Variants in INVS observed in about 807,000 individuals in gnomAD.
The protein encoded by INVS is inversion of embryo turning homolog.
INVS carries 86 observed loss-of-function variants against 108.8 expected under a neutral mutation model. That is an observed-to-expected ratio of 0.79 (90% CI 0.66 to 0.95). INVS has a LOEUF of 0.95. Among genes scored for constraint, INVS ranks in the 40% least tolerant of loss-of-function variants. The pLI is 0.00. For synonymous variants in INVS, 455 were observed against 473.5 expected, an observed-to-expected ratio of 0.96 and a Z score of 0.51; for missense variants, 1,169 against 1,297.4, an observed-to-expected ratio of 0.90 and a Z score of 1.52.
At chr9:100,152,238 A>G (rs1828830356) in intron 3 of INVS, among the ~76,000 whole-genome samples, 1 of 152,094 alleles carries the variant, frequency 6.6e-6, no homozygotes, top group African/African-American at 2.4e-5. Flanking sequence ...TATTTCCAAT[A>G]TCTAGTAGTA....
At chr9:100,103,520 G>C (rs1006019211) in intron 1 of INVS, among the ~76,000 whole-genome samples, 21 of 151,864 alleles carry the variant, frequency 1.4e-4, no homozygotes, top group African/African-American at 5.1e-4. Context: ...CCCAGCTACT[G>C]AGGAGGCTGA....
chr9:100,293,172 C>T (rs1168842397), intron 14 of INVS, 129 bp downstream of exon 14: 4 of 792,404 alleles, frequency 5.0e-6, no homozygotes, highest in South Asian at 1.5e-5. Flanking sequence ...TTTATAGAGC[C>T]TACCCATGAA....
At chr9:100,239,747 G>A (rs1002280834) in intron 5 of INVS, among the ~76,000 whole-genome samples, 1 of 152,114 alleles carries the variant, frequency 6.6e-6, no homozygotes, top group African/African-American at 2.4e-5. Context: ...TGAGGTAGGA[G>A]AATTGCTTGA....
At chr9:100,235,126 CTTT>C (rs1034663858) in intron 5 of INVS, among the ~76,000 whole-genome samples, 1 of 151,532 alleles carries the variant, frequency 6.6e-6, no homozygotes, top group Non-Finnish European at 1.5e-5. Context: ...GAATTCCCTT[CTTT>C]GTCTTTTTTG....
At chr9:100,287,290 C>G (rs1025284252) in intron 13 of INVS, among the ~76,000 whole-genome samples, 1 of 152,152 alleles carries the variant, frequency 6.6e-6, no homozygotes, top group African/African-American at 2.4e-5. Context: ...ATAAAAGCCA[C>G]AAGACCTCTT....
At position 100,253,214 on chromosome 9, in the gene INVS, A is replaced by G. The variant is rs1832297496; in HGVS notation, c.1464+78A>G. 3 of 1,088,164 alleles carry G rather than the reference A, an allele frequency of 2.8e-6. No individual in the cohort carries two copies. In the South Asian group the frequency reaches 3.9e-5, roughly 14 times the overall value. The allele number at this position is 1,088,164 out of a possible 1,614,324, so 67.4% of individuals were successfully genotyped here. A position where few individuals can be genotyped will look rare whatever the true frequency, so the allele number is the denominator to read the frequency against. ...CTTCTTTGTTGTAAACATAAGTAAA[A>G]CAACAGTTTACAAGATGAAGAGATC... On this transcript the variant is annotated intron_variant, in intron 10 of 16. Transcript: ENST00000262457.
intron 3 of INVS, among the ~76,000 whole-genome samples, chr9:100,159,849 G>A (rs553335116): frequency 6.6e-6 from 1 of 151,972 alleles, no homozygotes; most frequent in Non-Finnish European, 1.5e-5. Flanking sequence ...CTAATGAATC[G>A]ACTCTGATGA....
intron 3 of INVS, among the ~76,000 whole-genome samples, chr9:100,207,770 AC>A (rs1274462213): frequency 1.3e-5 from 2 of 152,130 alleles, no homozygotes; most frequent in Non-Finnish European, 2.9e-5. Context: ...ATTGTTGGTA[AC>A]CTTTTTTCTT....
At chr9:100,236,750 A>C (rs2806685) in intron 5 of INVS, among the ~76,000 whole-genome samples, 82,065 of 151,944 alleles carry the variant, frequency 0.54, 23,689 homozygotes, top group African/African-American at 0.7. Flanking sequence ...CAGATGGGCA[A>C]CTGCTAGATT....
chr9:100,256,470 G>T (rs892926102), intron 10 of INVS, among the ~76,000 whole-genome samples: 4 of 152,056 alleles, frequency 2.6e-5, no homozygotes, highest in South Asian at 2.1e-4. Flanking sequence ...TTTGAATGTG[G>T]TTGCTCTTGC....
chr9:100,285,958 G>T (rs1833428004), intron 13 of INVS, among the ~76,000 whole-genome samples: 1 of 152,140 alleles, frequency 6.6e-6, no homozygotes, highest in South Asian at 2.1e-4. Flanking sequence ...CAGTGAAAAA[G>T]GCAAATAATG....
At position 100,252,893 on chromosome 9, in the gene INVS, T is replaced by C. The variant is rs748928155; in HGVS notation, c.1235-14T>C. The stretch of plus-strand genomic sequence containing the variant: ...TTTATATTAGACATTCTCATTATAT[T>C]TGTGCTTTTCCAGGTGGAGCAAGGG... On this transcript the variant is annotated splice_polypyrimidine_tract_variant and intron_variant, in intron 9 of 16. Transcript: ENST00000262457. 2 of 1,575,184 alleles carry C rather than the reference T, an allele frequency of 1.3e-6. No homozygotes were observed. Among genetic ancestry groups the C allele is most frequent in the Non-Finnish European group, 1.7e-6 (2 of 1,145,206 alleles).
intron 3 of INVS, among the ~76,000 whole-genome samples, chr9:100,146,241 C>A (rs958388245): frequency 6.6e-6 from 1 of 151,300 alleles, no homozygotes. Flanking sequence ...GGGGTGGGGC[C>A]GTTTTGTAAG....
intron 4 of INVS, among the ~76,000 whole-genome samples, chr9:100,229,104 G>A (rs1831429855): frequency 6.6e-6 from 1 of 152,172 alleles, no homozygotes; most frequent in Non-Finnish European, 1.5e-5. Context: ...TGTTCTTACG[G>A]TAGAGCTTAG....
At chr9:100,188,821 C>T (rs1830132876) in intron 3 of INVS, among the ~76,000 whole-genome samples, 2 of 151,686 alleles carry the variant, frequency 1.3e-5, no homozygotes, top group African/African-American at 2.4e-5. Context: ...TGACCTTGGG[C>T]GTTTTTTGTT....
intron 3 of INVS, among the ~76,000 whole-genome samples, chr9:100,212,716 A>T (rs938440123): frequency 1.7e-4 from 26 of 151,884 alleles, no homozygotes; most frequent in African/African-American, 5.6e-4. Context: ...AGCTCTCAAC[A>T]TTTCTATTGT....
At position 100,100,921 on chromosome 9, in the gene INVS, T is replaced by TA. The variant is rs1244480060; in HGVS notation, c.-25+1506dup. Among the ~76,000 whole-genome samples the TA allele has an allele frequency of 3.1e-4, 9 of 28,818 alleles. No individual in the cohort carries two copies. In the East Asian group the frequency reaches 7.8e-3, roughly 25 times the overall value. 18.9% of individuals were successfully genotyped at this position (28,818 alleles called of 152,430 possible). A position where few individuals can be genotyped will look rare whatever the true frequency, so the allele number is the denominator to read the frequency against. On this transcript the variant is annotated intron_variant, in intron 1 of 16. Transcript: ENST00000262457. Reference sequence around the variant, plus strand: ...TATATATGTATATATATTATATGTATATATATAATATATATAATATATATA... The same window carrying TA: ...TATATATGTATATATATTATATGTATAATATATAATATATATAATATATATA...
At chr9:100,219,545 T>G (rs1301235965) in intron 3 of INVS, among the ~76,000 whole-genome samples, 1 of 152,192 alleles carries the variant, frequency 6.6e-6, no homozygotes, top group Non-Finnish European at 1.5e-5. Flanking sequence ...ACTCATACAT[T>G]ACTGTTATGA....
At chr9:100,299,216 A>G (rs914479003) in intron 16 of INVS, among the ~76,000 whole-genome samples, 2 of 152,202 alleles carry the variant, frequency 1.3e-5, no homozygotes, top group African/African-American at 4.8e-5. Flanking sequence ...GTTTAAAATC[A>G]GACAAGGATA....
Sources: gnomAD v4.1 joint callset for allele counts (sites outside exome capture counted in the v4.1 genomes callset) on GRCh38, gnomAD v4.1.1 for gene constraint, MANE v1.5 for transcripts, NCBI Gene and HGNC (gene_info 2026-07-23, HGNC 2026-07-21) for gene names.